PLXNC1: variants seen among roughly 807,000 people sequenced by gnomAD.
The protein encoded by PLXNC1 is plexin C1.
A neutral mutation model predicts 178.2 loss-of-function variants in PLXNC1; 75 were observed. The ratio of observed to expected loss-of-function variants is 0.42; its 90% CI spans 0.35 to 0.51. The LOEUF is 0.51. PLXNC1 is among the 20% of genes least tolerant of loss of function. The pLI is 0.02. For synonymous variants in PLXNC1, 790 were observed against 779.9 expected, an observed-to-expected ratio of 1.01 and a Z score of -0.22; for missense variants, 1,503 against 1,984.4, an observed-to-expected ratio of 0.76 and a Z score of 4.61.
At chr12:94,279,842 G>T (rs141975647) in intron 22 of PLXNC1, 193 bp downstream of exon 22, 2 of 700,658 alleles carry the variant, frequency 2.9e-6, no homozygotes, top group East Asian at 5.4e-5. Context: ...CTGATTCTTC[G>T]AAGGAAGCAC....
chr12:94,248,741 C>G (rs1024274226), intron 14 of PLXNC1, among the ~76,000 whole-genome samples: 5 of 152,176 alleles, frequency 3.3e-5, no homozygotes, highest in Non-Finnish European at 5.9e-5. Context: ...AGCTGTCACT[C>G]TTTTCTCAAA....
rs1349681734 is a variant in PLXNC1 at position 94,248,078 on chromosome 12, T to G, written c.2564T>G (p.Val855Gly). The G allele has an allele frequency of 6.2e-7, 1 of 1,614,062 alleles. No homozygotes were observed. The highest frequency in any genetic ancestry group is 1.7e-5 in the Admixed American group (1 of 60,016). Residue 855 changes from valine to glycine, a missense_variant, in exon 13 of 31, where the codon GTG becomes GGG. Coordinates refer to ENST00000258526, the MANE Select transcript of PLXNC1 (RefSeq NM_005761.3). ...ACGGGGTATCGGGTGGAATCCGAGG[T>G]GGACACAGAACTGGAAGTGAAAATT... The part of the protein sequence containing the change: ...RFTGYRVESE[V>G]DTELEVKIQK...
In PLXNC1 at chr12:94,305,527, CCTT is replaced by C. The variant is rs1593033636; in HGVS notation, c.*243_*245del. On this transcript the variant is annotated 3_prime_UTR_variant, in exon 31 of 31. Coordinates refer to ENST00000258526, the MANE Select transcript of PLXNC1 (RefSeq NM_005761.3). ...TTGAAGTGGTTGTTGCAAACAGCCT[CCTT>C]GTTTACAGAGAATACAAGGCCAGTA... 4.6e-6 allele frequency: 2 copies of C among 436,454 alleles called. No individual in the cohort carries two copies. Among genetic ancestry groups the C allele is most frequent in the East Asian group, 3.8e-5 (1 of 26,516 alleles). The allele number at this position is 436,454 out of a possible 1,614,324, so 27.0% of individuals were successfully genotyped here. A position where few individuals can be genotyped will look rare whatever the true frequency, so the allele number is the denominator to read the frequency against.
intron 4 of PLXNC1, among the ~76,000 whole-genome samples, chr12:94,198,649 G>A (rs933620140): frequency 2.0e-5 from 3 of 152,196 alleles, no homozygotes; most frequent in Admixed American, 2.0e-4. Context: ...CAAGGTGTCA[G>A]CAGAGCCGGG....
intron 15 of PLXNC1, 80 bp from the exon 16 acceptor site, chr12:94,254,707 A>T: frequency 1.1e-6 from 1 of 940,898 alleles, no homozygotes; most frequent in Non-Finnish European, 1.6e-6. Context: ...TGTTTTTAAG[A>T]ACTGTAAAGA....
chr12:94,255,713 T>A (rs1381516959), intron 17 of PLXNC1, among the ~76,000 whole-genome samples: 1 of 152,162 alleles, frequency 6.6e-6, no homozygotes, highest in Non-Finnish European at 1.5e-5. Flanking sequence ...TACTTCTCAA[T>A]TGGAAAGGAA....
chr12:94,152,877 G>A (rs1170849906), intron 1 of PLXNC1, among the ~76,000 whole-genome samples: 3 of 152,168 alleles, frequency 2.0e-5, no homozygotes, highest in Non-Finnish European at 2.9e-5. Flanking sequence ...AGTGATTTAC[G>A]AGATGCTTGT....
Position 94,294,665 on chromosome 12 carries a change from T to A in PLXNC1, c.3934+125T>A, listed in dbSNP as rs1025507847. On this transcript the variant is annotated intron_variant, in intron 24 of 30. Coordinates refer to ENST00000258526, the MANE Select transcript of PLXNC1 (RefSeq NM_005761.3). ...TTGTTGCTATGTAATTCTCTGAAAG[T>A]TGAGAAAAGTCATTTTGATCTCTTT... is the stretch of plus-strand genomic sequence containing the variant. 3 of 574,424 alleles carry A rather than the reference T, an allele frequency of 5.2e-6. No homozygotes were observed. The Admixed American group carries it at 9.1e-5, about 17-fold the overall frequency. 35.6% of individuals were successfully genotyped at this position (574,424 alleles called of 1,614,324 possible). A position where few individuals can be genotyped will look rare whatever the true frequency, so the allele number is the denominator to read the frequency against.
rs1230628706 is a variant in PLXNC1, at chr12:94,227,132, G to T, written c.1894-17G>T. On this transcript the variant is annotated splice_polypyrimidine_tract_variant and intron_variant, in intron 8 of 30. Coordinates refer to ENST00000258526, the MANE Select transcript of PLXNC1 (RefSeq NM_005761.3). ...TTACCACCCATCTGGATGTTGAAGGGATGTTCTCCATTCCAGGAACAGTGT... is the reference window on the plus strand; with the variant it reads ...TTACCACCCATCTGGATGTTGAAGGTATGTTCTCCATTCCAGGAACAGTGT... 6.6e-7 allele frequency: 1 copy of T among 1,523,184 alleles called. No homozygotes were observed. Among genetic ancestry groups the T allele is most frequent in the South Asian group, 1.1e-5 (1 of 89,242 alleles). The allele number at this position is 1,523,184 out of a possible 1,614,324, so 94.4% of individuals were successfully genotyped here. A position where few individuals can be genotyped will look rare whatever the true frequency, so the allele number is the denominator to read the frequency against.
intron 27 of PLXNC1, among the ~76,000 whole-genome samples, chr12:94,300,672 T>C (rs1349867024): frequency 6.6e-6 from 1 of 152,190 alleles, no homozygotes; most frequent in Non-Finnish European, 1.5e-5. Context: ...AGAAAATTCT[T>C]GCCCATGGCC....
At chr12:94,224,105 A>C (rs1049784448) in intron 6 of PLXNC1, 123 bp from the exon 7 acceptor site, 3 of 697,530 alleles carry the variant, frequency 4.3e-6, no homozygotes, top group Non-Finnish European at 7.8e-6. Flanking sequence ...GTTAGCAAAC[A>C]GCTGGCACGC....
intron 7 of PLXNC1, among the ~76,000 whole-genome samples, chr12:94,226,268 GGAGA>G (rs950551511): frequency 6.6e-6 from 1 of 152,062 alleles, no homozygotes; most frequent in East Asian, 1.9e-4. Context: ...GTAGAGGCGG[GGAGA>G]GAGAGAGATC....
chr12:94,217,236 C>T (rs7298918), intron 5 of PLXNC1, among the ~76,000 whole-genome samples: 100,483 of 151,926 alleles, frequency 0.66, 34,214 homozygotes, highest in Middle Eastern at 0.77. Flanking sequence ...TTCCATGGCA[C>T]GCCCACTCCA....
Position 94,301,071 on chromosome 12 carries a change from T to G in PLXNC1, c.4386+14T>G, listed in dbSNP as rs1265153737. 8 of 1,612,148 alleles carry G rather than the reference T, an allele frequency of 5.0e-6. No homozygotes were observed. Among genetic ancestry groups the G allele is most frequent in the African/African-American group, 4.0e-5 (3 of 74,840 alleles). On this transcript the variant is annotated intron_variant, in intron 28 of 30. Transcript: ENST00000258526. ...CAACTAGGGAAGGTAAGGCCCAGCT[T>G]GAGTATTTCTTGTATGCAGTCTTAT...
chr12:94,254,534 A>G (rs1166937022), intron 15 of PLXNC1: 1 of 630,980 alleles, frequency 1.6e-6, no homozygotes, highest in Non-Finnish European at 2.9e-6. Flanking sequence ...TTTCACTTGT[A>G]AAATGAGTAA....
rs765852739 is a variant in PLXNC1, at chr12:94,224,326, A to G, written c.1790+11A>G. 4.7e-6 allele frequency: 6 copies of G among 1,266,038 alleles called. No homozygotes were observed. Among genetic ancestry groups the G allele is most frequent in the Non-Finnish European group, 5.8e-6 (5 of 862,604 alleles). 78.4% of individuals were successfully genotyped at this position (1,266,038 alleles called of 1,614,324 possible). A position where few individuals can be genotyped will look rare whatever the true frequency, so the allele number is the denominator to read the frequency against. ...CTCATCATTAAAAGAGTAAGATTTTATTTGAAATTTGAATATTCTCTCGTT... is the reference window on the plus strand; with the variant it reads ...CTCATCATTAAAAGAGTAAGATTTTGTTTGAAATTTGAATATTCTCTCGTT... On this transcript the variant is annotated intron_variant, in intron 7 of 30. Coordinates refer to ENST00000258526, the MANE Select transcript of PLXNC1 (RefSeq NM_005761.3).
intron 14 of PLXNC1, 97 bp downstream of exon 14, chr12:94,248,509 T>G (rs1228708536): frequency 6.5e-6 from 6 of 930,040 alleles, no homozygotes; most frequent in East Asian, 2.5e-5. Context: ...TCATGGATCT[T>G]CAGATCCTCA....
At position 94,305,480 on chromosome 12, in the gene PLXNC1, G is replaced by A. The variant is rs1156635995; in HGVS notation, c.*195G>A. 1.9e-6 allele frequency: 1 copy of A among 514,992 alleles called. No homozygotes were observed. The highest frequency in any genetic ancestry group is 3.5e-6 in the Non-Finnish European group (1 of 288,922). 31.9% of individuals were successfully genotyped at this position (514,992 alleles called of 1,614,324 possible). On this transcript the variant is annotated 3_prime_UTR_variant, in exon 31 of 31. Transcript: ENST00000258526. Reference sequence around the variant, plus strand: ...ACCCTTGTGCCTGTGTGTATACCGTGGGAACCCTTCTGTAAATAGAGTTGA... The same window carrying A: ...ACCCTTGTGCCTGTGTGTATACCGTAGGAACCCTTCTGTAAATAGAGTTGA...
chr12:94,155,078 G>C (rs1451683177), intron 1 of PLXNC1, among the ~76,000 whole-genome samples: 2 of 152,072 alleles, frequency 1.3e-5, no homozygotes, highest in African/African-American at 2.4e-5. Context: ...TAGGTTACAT[G>C]GTGTCCTTTA....
Sources: allele counts gnomAD v4.1 joint callset (sites outside exome capture counted in the v4.1 genomes callset), GRCh38; gene constraint gnomAD v4.1.1; transcripts MANE v1.5; gene names NCBI Gene and HGNC (gene_info 2026-07-23, HGNC 2026-07-21).